The following SORCS1 variants were observed in gnomAD, a reference collection of about 807,000 sequenced individuals.
SORCS1 encodes sortilin related VPS10 domain containing receptor 1.
In SORCS1, 60 loss-of-function variants were observed where a neutral mutation model predicts 146.1. The ratio of observed to expected loss-of-function variants is 0.41; its 90% confidence interval spans 0.33 to 0.51. The LOEUF is 0.51. SORCS1 is among the 20% of genes least tolerant of loss of function. The pLI is 0.21. For synonymous variants in SORCS1, 637 were observed against 584.0 expected (o/e 1.09, Z -1.31); for missense variants, 1,352 against 1,487.6 (o/e 0.91, Z 1.50).
At chr10:106,972,780 T>C (rs1955844136) in intron 1 of SORCS1, among the ~76,000 whole-genome samples, 1 of 152,174 alleles carries the variant, frequency 6.6e-6, no homozygotes. Flanking sequence ...TAGATGCAGG[T>C]AGGGACCTTT....
At chr10:106,648,935 G>A (rs561604444) in intron 18 of SORCS1, among the ~76,000 whole-genome samples, 4 of 152,104 alleles carry the variant, frequency 2.6e-5, no homozygotes, top group Non-Finnish European at 5.9e-5. Flanking sequence ...GGAATGCACC[G>A]ACAGGCACCA....
chr10:106,709,268 A>C lies in SORCS1; in HGVS notation c.1098T>G (p.Ile366Met). The stretch of plus-strand genomic sequence containing the variant: ...CCTGAACAATCAAAGAGTCTGGGTC[A>C]ATGTAGCCTGGAAAAGGCTGATTCC... ...ANRNQPFPGY[I>M]DPDSLIVQDH... is the part of the protein sequence containing the mutation. The change falls in exon 7 of 26, where the codon ATT becomes ATG. Residue 366 changes from isoleucine (I) to methionine (M), a missense_variant. Transcript: ENST00000263054. The C allele has an allele frequency of 6.2e-7, 1 of 1,613,916 alleles. No individual in the cohort carries two copies. The highest frequency in any genetic ancestry group is 8.5e-7 in the Non-Finnish European group (1 of 1,179,884).
At chr10:107,133,514 T>C (rs1967027433) in intron 1 of SORCS1, among the ~76,000 whole-genome samples, 1 of 152,134 alleles carries the variant, frequency 6.6e-6, no homozygotes, top group African/African-American at 2.4e-5. Context: ...CAATATCCTT[T>C]ATTTCAGAGT....
chr10:106,983,682 G>A (rs967003308), intron 1 of SORCS1, among the ~76,000 whole-genome samples: 1 of 152,132 alleles, frequency 6.6e-6, no homozygotes, highest in South Asian at 2.1e-4. Context: ...AGGAATAGTA[G>A]CCAGGAACAC....
At chr10:107,014,802 C>T (rs1957829274) in intron 1 of SORCS1, among the ~76,000 whole-genome samples, 1 of 152,220 alleles carries the variant, frequency 6.6e-6, no homozygotes, top group African/African-American at 2.4e-5. Flanking sequence ...TTTACCTTTT[C>T]ACCACATAAA....
chr10:106,990,899 CTT>C (rs1956741962), intron 1 of SORCS1, among the ~76,000 whole-genome samples: 1 of 109,510 alleles, frequency 9.1e-6, no homozygotes, highest in Non-Finnish European at 1.8e-5. Flanking sequence ...GCACACTACT[CTT>C]TTGCAAAATG....
chr10:106,878,525 G>GA (rs900753057), intron 2 of SORCS1, among the ~76,000 whole-genome samples: 61 of 149,942 alleles, frequency 4.1e-4, no homozygotes, highest in Non-Finnish European at 7.2e-4. Flanking sequence ...ACCCCATAAA[G>GA]AGCCTTTGCC....
chr10:107,084,762 C>A (rs2134263807), intron 1 of SORCS1, among the ~76,000 whole-genome samples: 1 of 152,212 alleles, frequency 6.6e-6, no homozygotes, highest in Admixed American at 6.5e-5. Flanking sequence ...CATAATGAGA[C>A]TAAGTAAATT....
chr10:106,938,680 G>A (rs1416393069), intron 2 of SORCS1, among the ~76,000 whole-genome samples: 2 of 152,180 alleles, frequency 1.3e-5, no homozygotes, highest in African/African-American at 4.8e-5. Flanking sequence ...CAGTTTTGCG[G>A]TTCTGTAGAT....
intron 2 of SORCS1, among the ~76,000 whole-genome samples, chr10:106,868,434 C>T (rs939764229): frequency 6.6e-6 from 1 of 152,100 alleles, no homozygotes; most frequent in East Asian, 1.9e-4. Flanking sequence ...CTAAAATCGA[C>T]CACATAACTG....
the SORCS1 span, among the ~76,000 whole-genome samples, chr10:107,180,188 T>G: frequency 6.6e-6 from 1 of 152,138 alleles, no homozygotes. Flanking sequence ...AGTGCTAGGA[T>G]TACAAGTGTG....
chr10:106,665,391 T>C (rs1851053138), intron 17 of SORCS1, among the ~76,000 whole-genome samples: 3 of 150,380 alleles, frequency 2.0e-5, no homozygotes, highest in Non-Finnish European at 3.0e-5. Context: ...TCTCTCTCTT[T>C]TTTTTTTTTT....
intron 10 of SORCS1, among the ~76,000 whole-genome samples, chr10:106,686,901 C>A (rs1447645671): frequency 6.6e-6 from 1 of 152,152 alleles, no homozygotes; most frequent in Non-Finnish European, 1.5e-5. Context: ...GTGCGGATAA[C>A]ATCAAAGTCA....
At chr10:107,054,507 C>T (rs1025629958) in intron 1 of SORCS1, among the ~76,000 whole-genome samples, 5 of 152,036 alleles carry the variant, frequency 3.3e-5, no homozygotes, top group Admixed American at 2.0e-4. Flanking sequence ...GAGCTGGACA[C>T]GTTTGGTGGA....
intron 17 of SORCS1, among the ~76,000 whole-genome samples, chr10:106,655,607 A>T (rs1850224651): frequency 6.6e-6 from 1 of 152,190 alleles, no homozygotes. Flanking sequence ...GTTCTGCTTA[A>T]ATCCAAAGCA....
In SORCS1 at chr10:106,706,013, T is replaced by C. The variant is rs545244275; in HGVS notation, c.1233+532A>G. Among the ~76,000 whole-genome samples, 10 of 152,246 alleles carry C rather than the reference T, an allele frequency of 6.6e-5. No individual in the cohort carries two copies. The East Asian group carries it at 1.7e-3, about 26-fold the overall frequency. ...GCATCACTGCTCAGTAAACAACTGA[T>C]AATCAAATGGGACAGAAATGGACGG... On this transcript the variant is annotated intron_variant, in intron 8 of 25. Transcript: ENST00000263054.
At chr10:106,677,531 C>T (rs551010605) in intron 12 of SORCS1, 127 bp from the exon 13 acceptor site, 22 of 766,156 alleles carry the variant, frequency 2.9e-5, no homozygotes, top group East Asian at 5.4e-5. Context: ...TAAATCTTTG[C>T]GAAAATAAAG....
At chr10:106,829,544 T>C (rs1260263245) in intron 3 of SORCS1, 30 bp downstream of exon 3, 1 of 1,498,102 alleles carries the variant, frequency 6.7e-7, no homozygotes, top group South Asian at 1.2e-5. Flanking sequence ...ACATCATGAA[T>C]GAGTAGCATG....
At chr10:106,765,504 A>G (rs955860430) in intron 4 of SORCS1, among the ~76,000 whole-genome samples, 3 of 152,084 alleles carry the variant, frequency 2.0e-5, no homozygotes, top group Admixed American at 6.6e-5. Context: ...TTTCATTGAG[A>G]GCTTTGAGCC....
Sources: gnomAD v4.1 joint callset for allele counts (sites outside exome capture counted in the v4.1 genomes callset) on GRCh38, gnomAD v4.1.1 for gene constraint, MANE v1.5 for transcripts, NCBI Gene and HGNC (gene_info 2026-07-23, HGNC 2026-07-21) for gene names.